The following ERBB4 variants were observed in gnomAD, a reference collection of about 807,000 sequenced individuals.
The protein encoded by ERBB4 is erb-b2 receptor tyrosine kinase 4.
Under a neutral mutation model 158.0 loss-of-function variants are expected in ERBB4, and 42 were observed. The ratio of observed to expected loss-of-function variants is 0.27; its 90% CI spans 0.21 to 0.34. The LOEUF (loss-of-function observed/expected upper bound fraction) is 0.34, where lower values mean the gene tolerates loss of function less well. Ranked by LOEUF, ERBB4 falls within the 10% of genes least tolerant of loss-of-function variation. ERBB4 has a pLI of 1.00. For synonymous variants in ERBB4, 583 were observed against 558.7 expected, an observed-to-expected ratio of 1.04 and a Z score of -0.61; for missense variants, 1,333 against 1,624.1, an observed-to-expected ratio of 0.82 and a Z score of 3.08.
intron 3 of ERBB4, among the ~76,000 whole-genome samples, chr2:211,822,109 A>C (rs997587660): frequency 5.3e-5 from 8 of 151,972 alleles, no homozygotes; most frequent in Admixed American, 5.3e-4. Flanking sequence ...ATCTCTTAGA[A>C]GTAAAAAGTA....
At chr2:211,916,920 A>G (rs2079709596) in intron 3 of ERBB4, among the ~76,000 whole-genome samples, 1 of 152,164 alleles carries the variant, frequency 6.6e-6, no homozygotes, top group South Asian at 2.1e-4. Flanking sequence ...GACTGCTAAG[A>G]GGAATCTGGT....
At chr2:212,422,751 T>G (rs1360918803) in intron 1 of ERBB4, among the ~76,000 whole-genome samples, 1 of 152,218 alleles carries the variant, frequency 6.6e-6, no homozygotes, top group Admixed American at 6.5e-5. Context: ...TGAAACCATT[T>G]TTCTTGGCTT....
intron 1 of ERBB4, among the ~76,000 whole-genome samples, chr2:212,445,415 G>A (rs186141770): frequency 6.6e-6 from 1 of 152,244 alleles, no homozygotes; most frequent in East Asian, 1.9e-4. Flanking sequence ...CTTCGATCCA[G>A]AGGGAGGAAT....
chr2:212,144,568 A>G (rs1221308227), intron 1 of ERBB4, among the ~76,000 whole-genome samples: 2 of 152,200 alleles, frequency 1.3e-5, no homozygotes, highest in African/African-American at 4.8e-5. Flanking sequence ...ATTCTTTCAG[A>G]AAAGTTCTGA....
chr2:211,439,167 CTCTA>C (rs2063920894), intron 20 of ERBB4, among the ~76,000 whole-genome samples: 1 of 152,120 alleles, frequency 6.6e-6, no homozygotes, highest in Non-Finnish European at 1.5e-5. Flanking sequence ...CACTCCAATG[CTCTA>C]TCTATGCTGC....
In ERBB4 at chr2:212,188,244, C is replaced by T. The variant is rs1223850970; in HGVS notation, c.83-63341G>A. Among the ~76,000 whole-genome samples, 238 of 30,760 alleles carry T rather than the reference C, an allele frequency of 7.7e-3. 19 individuals carry two copies. Among genetic ancestry groups the T allele is most frequent in the African/African-American group, 0.016 (224 of 13,716 alleles). 20.2% of individuals were successfully genotyped at this position (30,760 alleles called of 152,430 possible). A position where few individuals can be genotyped will look rare whatever the true frequency, so the allele number is the denominator to read the frequency against. On this transcript the variant is annotated intron_variant, in intron 1 of 27. Coordinates refer to ENST00000342788, the MANE Select transcript of ERBB4 (RefSeq NM_005235.3). ...TCTCTCTCTCTCTCTCCCCCCCCCT[C>T]TCACCCCCTCCCTCCCTCCCTCTTC...
chr2:211,761,141 G>A (rs1006334504), intron 4 of ERBB4, among the ~76,000 whole-genome samples: 1 of 143,054 alleles, frequency 7.0e-6, no homozygotes, highest in Admixed American at 7.3e-5. Flanking sequence ...GTTGCAGTGA[G>A]CTGAGATTGC....
chr2:212,359,918 A>T (rs1233105065), intron 1 of ERBB4, among the ~76,000 whole-genome samples: 2 of 151,702 alleles, frequency 1.3e-5, no homozygotes, highest in Non-Finnish European at 2.9e-5. Context: ...GCCCACTGGG[A>T]AAAAAGCTTT....
intron 5 of ERBB4, among the ~76,000 whole-genome samples, chr2:211,745,921 G>C (rs570099496): frequency 7.9e-5 from 12 of 152,220 alleles, no homozygotes; most frequent in South Asian, 6.2e-4. Flanking sequence ...CCAGGAAACA[G>C]TTGTCTCTAG....
At chr2:211,774,079 T>TG (rs532263496) in intron 4 of ERBB4, among the ~76,000 whole-genome samples, 112 of 151,734 alleles carry the variant, frequency 7.4e-4, no homozygotes, top group Non-Finnish European at 1.3e-3. Context: ...ACCAATTTTT[T>TG]TTTTTTTTCT....
At chr2:211,889,761 A>G (rs903060276) in intron 3 of ERBB4, among the ~76,000 whole-genome samples, 1 of 151,770 alleles carries the variant, frequency 6.6e-6, no homozygotes, top group Non-Finnish European at 1.5e-5. Flanking sequence ...TGAAGAATGC[A>G]GAAGCCTCAG....
chr2:211,996,581 A>T (rs752499380), intron 2 of ERBB4, among the ~76,000 whole-genome samples: 1 of 152,230 alleles, frequency 6.6e-6, no homozygotes, highest in African/African-American at 2.4e-5. Flanking sequence ...CTATGAGCAT[A>T]CTTGCCCAAT....
intron 2 of ERBB4, among the ~76,000 whole-genome samples, chr2:212,073,117 G>A (rs2078172829): frequency 6.6e-6 from 1 of 151,862 alleles, no homozygotes; most frequent in Admixed American, 6.6e-5. Flanking sequence ...AAGGAAGGAA[G>A]GAAGAGAGAA....
At chr2:211,522,662 T>C (rs991649049) in intron 20 of ERBB4, among the ~76,000 whole-genome samples, 1 of 151,984 alleles carries the variant, frequency 6.6e-6, no homozygotes, top group African/African-American at 2.4e-5. Flanking sequence ...AAAGGAAGAG[T>C]CAATAAATAA....
chr2:211,494,422 A>C lies in ERBB4; in HGVS notation c.2488-63322T>G, dbSNP rs150607848. 1.1e-4 allele frequency among the ~76,000 whole-genome samples: 17 copies of C among 152,008 alleles called. No homozygotes were observed. In the East Asian group the frequency reaches 3.1e-3, roughly 28 times the overall value. On this transcript the variant is annotated intron_variant, in intron 20 of 27. Coordinates refer to ENST00000342788, the MANE Select transcript of ERBB4 (RefSeq NM_005235.3). The stretch of plus-strand genomic sequence containing the variant: ...TAAAAAAAATGCCACAGCAGTAAAC[A>C]TGAACACCAAATAAAAGTTTACTTT...
intron 3 of ERBB4, among the ~76,000 whole-genome samples, chr2:211,857,149 CTGTGTGTGTTTGTGTGTG>C (rs1381707255): frequency 7.2e-6 from 1 of 138,652 alleles, no homozygotes; most frequent in Non-Finnish European, 1.6e-5. Flanking sequence ...GTGTATATCT[CTGTGTGTGTTTGTGTGTG>C]TGTGTGTGTT....
Position 212,170,633 on chromosome 2 carries a change from GCCTGTCTTGGGACTTGGTGC to G in ERBB4, c.83-45750_83-45731del, listed in dbSNP as rs2081486848. ...GGCCTTGCAGTTTTGGGACTTGGGT[GCCTGTCTTGGGACTTGGTGC>G]CCTGTGTCCCAGCTATGGTTAAAAG... On this transcript the variant is annotated intron_variant, in intron 1 of 27. Transcript: ENST00000342788. Among the ~76,000 whole-genome samples the G allele has an allele frequency of 4.6e-5, 7 of 152,282 alleles. No individual in the cohort carries two copies. In the South Asian group the frequency reaches 1.4e-3, roughly 32 times the overall value.
chr2:212,057,369 A>C (rs1260974145), intron 2 of ERBB4, among the ~76,000 whole-genome samples: 1 of 152,168 alleles, frequency 6.6e-6, no homozygotes, highest in African/African-American at 2.4e-5. Flanking sequence ...TAGACAGATC[A>C]ATGAGACAGA....
intron 1 of ERBB4, among the ~76,000 whole-genome samples, chr2:212,490,820 T>TAA (rs1425785650): frequency 1.3e-5 from 2 of 151,776 alleles, no homozygotes; most frequent in East Asian, 3.9e-4. Context: ...AATCAAACAG[T>TAA]AACTTTAGCA....
Sources: gnomAD v4.1 joint callset for allele counts (sites outside exome capture counted in the v4.1 genomes callset) on GRCh38, gnomAD v4.1.1 for gene constraint, MANE v1.5 for transcripts, NCBI Gene and HGNC (gene_info 2026-07-23, HGNC 2026-07-21) for gene names.